Variants in MYO18B observed in about 807,000 individuals in gnomAD.
The protein encoded by MYO18B is unconventional myosin-XVIIIb.
A neutral mutation model predicts 273.0 loss-of-function variants in MYO18B; 204 were observed. The observed-to-expected ratio is 0.75, with a 90% CI of 0.67 to 0.84. MYO18B has a LOEUF of 0.84. MYO18B is among the 40% of genes least tolerant of loss of function. The pLI is 0.00. For synonymous variants in MYO18B, 1,330 were observed against 1,305.7 expected, an observed-to-expected ratio of 1.02 and a Z score of -0.40; for missense variants, 3,212 against 3,287.6, an observed-to-expected ratio of 0.98 and a Z score of 0.56.
rs5997015 is a variant in MYO18B, at chr22:25,994,731, G to A, written c.6287+2238G>A. The stretch of plus-strand genomic sequence containing the variant: ...TCCTGTTTTATTAATTAGTGTCATG[G>A]CAGAACTTAGTGTAATTACAAACTC... On this transcript the variant is annotated intron_variant, in intron 40 of 43. Coordinates refer to ENST00000335473, the MANE Select transcript of MYO18B (RefSeq NM_032608.7). 8.1e-3 allele frequency among the ~76,000 whole-genome samples: 1,234 copies of A among 152,240 alleles called. 22 individuals carry two copies. The highest frequency in any genetic ancestry group is 0.028 in the African/African-American group (1,178 of 41,534).
At chr22:26,016,354 A>G (rs761940652) in intron 42 of MYO18B, among the ~76,000 whole-genome samples, 45 of 152,128 alleles carry the variant, frequency 3.0e-4, no homozygotes, top group South Asian at 8.3e-4. Flanking sequence ...CTAGGTGTAG[A>G]ATGAGGGGTT....
At chr22:25,799,194 C>A (rs117515356) in intron 12 of MYO18B, among the ~76,000 whole-genome samples, 2 of 149,442 alleles carry the variant, frequency 1.3e-5, no homozygotes, top group East Asian at 4.0e-4. Flanking sequence ...CTTGCTGATA[C>A]CTGCATTCCT....
chr22:26,046,321 A>G, the MYO18B span, among the ~76,000 whole-genome samples: 3 of 152,242 alleles, frequency 2.0e-5, no homozygotes, highest in South Asian at 6.2e-4. Flanking sequence ...GGGAAATACC[A>G]TAAATAATGG....
Position 25,944,614 on chromosome 22 carries a change from C to A in MYO18B, c.5518-1523C>A, listed in dbSNP as rs113923738. ...CCTGTAATCCTAGCACTGTGGGAGG[C>A]CGAGGCGGGCAGATCACAAGGTCAG... On this transcript the variant is annotated intron_variant, in intron 34 of 43. Coordinates refer to ENST00000335473, the MANE Select transcript of MYO18B (RefSeq NM_032608.7). 6.1e-3 allele frequency among the ~76,000 whole-genome samples: 932 copies of A among 152,174 alleles called. 13 individuals carry two copies. The highest frequency in any genetic ancestry group is 0.021 in the African/African-American group (879 of 41,528).
intron 1 of MYO18B, among the ~76,000 whole-genome samples, chr22:25,760,424 A>C (rs985241087): frequency 1.1e-4 from 17 of 149,748 alleles, no homozygotes; most frequent in African/African-American, 3.2e-4. Context: ...AAAAAAAAAA[A>C]AAAAAAAAAA....
At chr22:25,943,957 G>A (rs1160441113) in intron 34 of MYO18B, among the ~76,000 whole-genome samples, 1 of 152,034 alleles carries the variant, frequency 6.6e-6, no homozygotes, top group Non-Finnish European at 1.5e-5. Flanking sequence ...CCTGACCTCA[G>A]GTGATCTGCC....
chr22:25,890,725 C>G (rs777904047), intron 25 of MYO18B, 31 bp from the exon 26 acceptor site: 3 of 1,612,086 alleles, frequency 1.9e-6, no homozygotes, highest in African/African-American at 2.7e-5. Context: ...ATCGAGTGAC[C>G]GTTCCTTGAT....
intron 1 of MYO18B, among the ~76,000 whole-genome samples, chr22:25,756,950 A>C (rs1402848108): frequency 6.6e-6 from 1 of 152,144 alleles, no homozygotes; most frequent in African/African-American, 2.4e-5. Flanking sequence ...AATCCCAGCT[A>C]CTCAGGAGGC....
intron 16 of MYO18B, among the ~76,000 whole-genome samples, chr22:25,833,851 C>T (rs1420436444): frequency 1.3e-5 from 2 of 152,218 alleles, no homozygotes; most frequent in East Asian, 3.9e-4. Context: ...TGCCCCTCCC[C>T]TTTTCTTCCT....
Position 25,807,151 on chromosome 22 carries a change from C to T in MYO18B, c.2521+9054C>T, listed in dbSNP as rs1191034548. On this transcript the variant is annotated intron_variant, in intron 12 of 43. Coordinates refer to ENST00000335473, the MANE Select transcript of MYO18B (RefSeq NM_032608.7). ...TGCACCTCTCAGAGGTGTGGCTCCT[C>T]ACCTAAAGTCATAAAATGAAACTTC... Among the ~76,000 whole-genome samples the T allele has an allele frequency of 2.6e-5, 4 of 152,300 alleles. No homozygotes were observed. The South Asian group carries it at 8.3e-4, about 32-fold the overall frequency.
In MYO18B at chr22:25,876,317, G is replaced by T; in HGVS notation, c.4209G>T (p.Gln1403His). 1 of 1,611,838 alleles carries T rather than the reference G, an allele frequency of 6.2e-7. No homozygotes were observed. Among genetic ancestry groups the T allele is most frequent in the African/African-American group, 1.3e-5 (1 of 74,998 alleles). ...TTAGTGCCACCATTGGAACTGAGCA[G>T]CTCCGAGCCAAGGAGGTCAGTCTAT... ...PLLSATIGTE[Q>H]LRAKEEELTT... Residue 1403 changes from glutamine to histidine, a missense_variant, in exon 24 of 44, where the codon CAG (glutamine) becomes CAT (histidine). By Grantham distance (24) the Gln-to-His change is conservative. Coordinates refer to ENST00000335473, the MANE Select transcript of MYO18B (RefSeq NM_032608.7).
intron 33 of MYO18B, among the ~76,000 whole-genome samples, chr22:25,914,656 T>C (rs2092226223): frequency 6.7e-6 from 1 of 148,156 alleles, no homozygotes; most frequent in African/African-American, 2.5e-5. Context: ...TTGACAATCT[T>C]ATCATTTGAA....
chr22:25,817,226 TTCTTTCTC>T (rs965830206), intron 12 of MYO18B, among the ~76,000 whole-genome samples: 118 of 151,992 alleles, frequency 7.8e-4, no homozygotes, highest in African/African-American at 2.7e-3. Context: ...CTTTCTTTCG[TTCTTTCTC>T]TCTTTCTCTC....
In MYO18B at chr22:26,028,887, C is replaced by CAAAAAA. The variant is rs554144546; in HGVS notation, c.*12+1214_*12+1219dup. On this transcript the variant is annotated intron_variant, in intron 43 of 43. Coordinates refer to ENST00000335473, the MANE Select transcript of MYO18B (RefSeq NM_032608.7). ...TGGGCGACAGAGCGAGACTCCGTCT[C>CAAAAAA]AAAAAAAAAAAAAAAAAAAAAATTC... is the stretch of plus-strand genomic sequence containing the variant. 3.4e-3 allele frequency among the ~76,000 whole-genome samples: 260 copies of CAAAAAA among 75,524 alleles called. 5 individuals are homozygous for CAAAAAA. Among genetic ancestry groups the CAAAAAA allele is most frequent in the Non-Finnish European group, 4.3e-3 (149 of 34,448 alleles). The allele number at this position is 75,524 out of a possible 152,430, so 49.5% of individuals were successfully genotyped here. A position where few individuals can be genotyped will look rare whatever the true frequency, so the allele number is the denominator to read the frequency against.
chr22:26,008,777 G>A (rs536000006), intron 42 of MYO18B, among the ~76,000 whole-genome samples: 8 of 152,242 alleles, frequency 5.3e-5, no homozygotes, highest in African/African-American at 1.7e-4. Flanking sequence ...GCATGCTTAC[G>A]TCAGTCCCTG....
chr22:25,790,025 T>G (rs2087588757), intron 11 of MYO18B, among the ~76,000 whole-genome samples: 2 of 152,044 alleles, frequency 1.3e-5, no homozygotes, highest in Non-Finnish European at 2.9e-5. Flanking sequence ...TGGTGGCGGG[T>G]GCCTGTAATC....
chr22:25,894,040 T>C (rs1003016868), intron 27 of MYO18B, among the ~76,000 whole-genome samples: 1 of 152,212 alleles, frequency 6.6e-6, no homozygotes, highest in African/African-American at 2.4e-5. Flanking sequence ...ACTATCCACC[T>C]TTCCAGTGGA....
chr22:25,816,611 G>C (rs2089022532), intron 12 of MYO18B, among the ~76,000 whole-genome samples: 1 of 149,954 alleles, frequency 6.7e-6, no homozygotes, highest in African/African-American at 2.5e-5. Context: ...TTCTGTCCTT[G>C]CGATAGTTTG....
At chr22:25,800,520 G>A (rs985053495) in intron 12 of MYO18B, among the ~76,000 whole-genome samples, 2 of 152,232 alleles carry the variant, frequency 1.3e-5, no homozygotes, top group African/African-American at 4.8e-5. Context: ...CTGTGGCAGG[G>A]AAATGGGAAA....
Sources: allele counts gnomAD v4.1 joint callset (sites outside exome capture counted in the v4.1 genomes callset), GRCh38; gene constraint gnomAD v4.1.1; transcripts MANE v1.5; gene names NCBI Gene and HGNC (gene_info 2026-07-23, HGNC 2026-07-21).